Variants in NRCAM observed in about 807,000 individuals in gnomAD.
NRCAM encodes NgCAM-related cell adhesion molecule.
NRCAM carries 83 observed loss-of-function variants against 156.5 expected under a neutral mutation model. The ratio of observed to expected loss-of-function variants is 0.53; its 90% confidence interval spans 0.44 to 0.64. NRCAM has a LOEUF of 0.64. Among genes scored for constraint, NRCAM ranks in the 30% least tolerant of loss-of-function variants. The pLI, the probability that NRCAM is intolerant of heterozygous loss-of-function variation, is 0.00. For missense variants in NRCAM, 1,417 were observed against 1,597.3 expected (o/e 0.89, Z 1.92); for synonymous variants, 538 against 563.9 (o/e 0.95, Z 0.65).
chr7:108,388,005 G>C (rs1386182359), intron 2 of NRCAM, among the ~76,000 whole-genome samples: 1 of 152,126 alleles, frequency 6.6e-6, no homozygotes, highest in Admixed American at 6.5e-5. Context: ...TGTGAATAGT[G>C]CTGCAATAAA....
At chr7:108,282,526 C>G (rs2097900945) in intron 3 of NRCAM, among the ~76,000 whole-genome samples, 1 of 152,230 alleles carries the variant, frequency 6.6e-6, no homozygotes, top group Non-Finnish European at 1.5e-5. Context: ...TAATGTACCT[C>G]AAAATTTTAG....
At chr7:108,427,321 A>G (rs999721729) in intron 1 of NRCAM, among the ~76,000 whole-genome samples, 7 of 152,212 alleles carry the variant, frequency 4.6e-5, no homozygotes, top group Admixed American at 2.6e-4. Flanking sequence ...ACTCAACTCC[A>G]TGAGTTCCTA....
chr7:108,382,292 C>A (rs1045446088), intron 2 of NRCAM, among the ~76,000 whole-genome samples: 8 of 150,936 alleles, frequency 5.3e-5, no homozygotes, highest in African/African-American at 1.5e-4. Context: ...GTAGCATTAT[C>A]CAGTCAAGGA....
intron 1 of NRCAM, among the ~76,000 whole-genome samples, chr7:108,436,314 C>T (rs1198055607): frequency 6.6e-6 from 1 of 151,928 alleles, no homozygotes; most frequent in Non-Finnish European, 1.5e-5. Context: ...AATGTAAAAC[C>T]AAGAAACAAA....
Position 108,166,972 on chromosome 7 carries a change from C to A in NRCAM, c.3415G>T (p.Val1139Leu). Residue 1139 changes from valine (V) to leucine (L), a missense_variant, in exon 30 of 33, where the codon GTG (valine) becomes TTG (leucine). Coordinates refer to ENST00000379028, the MANE Select transcript of NRCAM (RefSeq NM_001037132.4). The part of the protein sequence containing the change: ...GTAYKVRVGA[V>L]GDSGFVSSED... ...GAACTCACAAAACCAGAGTCCCCCA[C>A]AGCACCAACTCGAACTTTGTATGCT... 1 of 1,613,998 alleles carries A rather than the reference C, an allele frequency of 6.2e-7. No homozygotes were observed. Among genetic ancestry groups the A allele is most frequent in the African/African-American group, 1.3e-5 (1 of 75,066 alleles).
chr7:108,234,941 G>A, intron 5 of NRCAM: 2 of 610,012 alleles, frequency 3.3e-6, no homozygotes, highest in East Asian at 6.7e-5. Context: ...CTAAAAGTTT[G>A]GGGAAATAAT....
At chr7:108,182,087 G>T in intron 23 of NRCAM, 150 bp from the exon 24 acceptor site, 1 of 544,782 alleles carries the variant, frequency 1.8e-6, no homozygotes, top group South Asian at 2.7e-5. Flanking sequence ...TGGGGTATCT[G>T]TTTGACTTTG....
At chr7:108,270,997 C>T (rs1484327350) in intron 3 of NRCAM, among the ~76,000 whole-genome samples, 1 of 152,192 alleles carries the variant, frequency 6.6e-6, no homozygotes, top group Non-Finnish European at 1.5e-5. Flanking sequence ...GAACTATACA[C>T]TTAAGTGTTC....
At chr7:108,358,298 G>A (rs185625901) in intron 2 of NRCAM, among the ~76,000 whole-genome samples, 8 of 150,914 alleles carry the variant, frequency 5.3e-5, no homozygotes, top group Admixed American at 2.6e-4. Flanking sequence ...CCAGCTACTC[G>A]GGAGGCTAAG....
intron 1 of NRCAM, among the ~76,000 whole-genome samples, chr7:108,452,408 T>TA (rs34543766): frequency 0.23 from 34,836 of 151,092 alleles, 4,251 homozygotes; most frequent in Non-Finnish European, 0.26. Flanking sequence ...ATTAATGCTG[T>TA]GGGGGGGGGA....
chr7:108,288,406 C>T (rs1384239763), intron 3 of NRCAM, among the ~76,000 whole-genome samples: 1 of 152,062 alleles, frequency 6.6e-6, no homozygotes, highest in Non-Finnish European at 1.5e-5. Flanking sequence ...AAATTTTTAA[C>T]AACTGCATAT....
chr7:108,206,853 G>A (rs918576465), intron 13 of NRCAM, among the ~76,000 whole-genome samples: 2 of 152,214 alleles, frequency 1.3e-5, no homozygotes, highest in African/African-American at 4.8e-5. Flanking sequence ...TGAAGTGGAA[G>A]GAGTGGAGCA....
At chr7:108,195,704 T>C (rs1198195472) in intron 15 of NRCAM, 57 bp downstream of exon 15, 3 of 928,246 alleles carry the variant, frequency 3.2e-6, no homozygotes, top group African/African-American at 1.6e-5. Flanking sequence ...ATATTTAGAA[T>C]ATGAAGCCTT....
chr7:108,297,739 T>A (rs2098479162), intron 3 of NRCAM, among the ~76,000 whole-genome samples: 1 of 151,784 alleles, frequency 6.6e-6, no homozygotes, highest in Admixed American at 6.6e-5. Flanking sequence ...AGAAAAAAAA[T>A]AAAACAAAGG....
chr7:108,265,253 C>G (rs2097055747), intron 3 of NRCAM, among the ~76,000 whole-genome samples: 1 of 152,162 alleles, frequency 6.6e-6, no homozygotes, highest in South Asian at 2.1e-4. Context: ...CTGCATAAAC[C>G]CTGGAGCTTT....
At chr7:108,360,159 T>C (rs1451552700) in intron 2 of NRCAM, among the ~76,000 whole-genome samples, 2 of 152,146 alleles carry the variant, frequency 1.3e-5, no homozygotes, top group East Asian at 3.9e-4. Context: ...TCTGTAGAAA[T>C]GTACAAAGAG....
chr7:108,206,816 T>G, intron 13 of NRCAM, among the ~76,000 whole-genome samples: 1 of 152,144 alleles, frequency 6.6e-6, no homozygotes, highest in East Asian at 1.9e-4. Context: ...CTGGGAAGCA[T>G]AGTGGTAGCT....
chr7:108,215,632 T>G (rs915241872), intron 11 of NRCAM, among the ~76,000 whole-genome samples: 3 of 152,164 alleles, frequency 2.0e-5, no homozygotes, highest in South Asian at 2.1e-4. Flanking sequence ...TTAGCTCTTC[T>G]TGTTGCATTG....
chr7:108,191,540 T>C (rs2071534082), intron 18 of NRCAM, among the ~76,000 whole-genome samples, 189 bp downstream of exon 18: 1 of 152,230 alleles, frequency 6.6e-6, no homozygotes, highest in Non-Finnish European at 1.5e-5. Context: ...TTTCACCCAG[T>C]GCTGCTACAC....
Sources: allele counts gnomAD v4.1 joint callset (sites outside exome capture counted in the v4.1 genomes callset), GRCh38; gene constraint gnomAD v4.1.1; transcripts MANE v1.5; gene names NCBI Gene and HGNC (gene_info 2026-07-23, HGNC 2026-07-21).